Variants in DLGAP1 observed in about 807,000 individuals in gnomAD.
The protein encoded by DLGAP1 is DLG associated protein 1.
Under a neutral mutation model 90.8 loss-of-function variants are expected in DLGAP1, and 11 were observed. That is an observed-to-expected ratio of 0.12 (90% confidence interval 0.08 to 0.20). The LOEUF is 0.20. DLGAP1 is among the 10% of genes least tolerant of loss of function. The pLI is 1.00. For missense variants in DLGAP1, 1,050 were observed against 1,333.8 expected, an observed-to-expected ratio of 0.79 and a Z score of 3.31; for synonymous variants, 558 against 540.7, an observed-to-expected ratio of 1.03 and a Z score of -0.44.
At chr18:3,514,232 G>A (rs930598265) in intron 10 of DLGAP1, among the ~76,000 whole-genome samples, 5 of 151,790 alleles carry the variant, frequency 3.3e-5, no homozygotes, top group South Asian at 2.1e-4. Context: ...TCAGCCTCCC[G>A]AGTAGCTGGG....
intron 1 of DLGAP1, among the ~76,000 whole-genome samples, chr18:4,197,188 T>TAAAAA (rs532844849): frequency 4.1e-5 from 3 of 73,744 alleles, no homozygotes; most frequent in African/African-American, 5.2e-5. Context: ...TAAAAAAAAG[T>TAAAAA]AAAAAAAAAA....
At chr18:4,299,708 A>C (rs555411499) in intron 1 of DLGAP1, among the ~76,000 whole-genome samples, 156 of 152,314 alleles carry the variant, frequency 1.0e-3, no homozygotes, top group African/African-American at 2.5e-3. Context: ...CACAAAAAAA[A>C]CAAACAAAAT....
chr18:3,835,341 G>A (rs926281709), intron 4 of DLGAP1, among the ~76,000 whole-genome samples: 1 of 152,250 alleles, frequency 6.6e-6, no homozygotes, highest in East Asian at 1.9e-4. Flanking sequence ...TATAGAATGA[G>A]TGCTTCATAG....
At chr18:4,204,795 C>A (rs1568449590) in intron 1 of DLGAP1, among the ~76,000 whole-genome samples, 1 of 151,952 alleles carries the variant, frequency 6.6e-6, no homozygotes, top group Non-Finnish European at 1.5e-5. Flanking sequence ...AGGTCAAAGT[C>A]AATTCCTTTC....
chr18:4,080,753 C>T (rs2075594262), intron 2 of DLGAP1, among the ~76,000 whole-genome samples: 1 of 152,186 alleles, frequency 6.6e-6, no homozygotes, highest in Admixed American at 6.5e-5. Flanking sequence ...CGATTTACTA[C>T]TATAGGCTGT....
chr18:3,741,153 C>T (rs536963117), intron 6 of DLGAP1, among the ~76,000 whole-genome samples: 2 of 121,456 alleles, frequency 1.6e-5, no homozygotes, highest in East Asian at 5.3e-4. Context: ...ATCACCATCA[C>T]CACCACCATC....
chr18:3,677,591 C>T (rs1421770412), intron 7 of DLGAP1, among the ~76,000 whole-genome samples: 5 of 152,230 alleles, frequency 3.3e-5, no homozygotes, highest in African/African-American at 7.2e-5. Flanking sequence ...ATGTTTCTAG[C>T]GTGCCTATGA....
chr18:3,559,511 T>C (rs1428688231), intron 9 of DLGAP1, among the ~76,000 whole-genome samples: 1 of 152,180 alleles, frequency 6.6e-6, no homozygotes, highest in Non-Finnish European at 1.5e-5. Context: ...ATTTATATGA[T>C]TGAATTTTCT....
At chr18:3,694,663 T>G (rs1256186184) in intron 7 of DLGAP1, among the ~76,000 whole-genome samples, 2 of 152,254 alleles carry the variant, frequency 1.3e-5, no homozygotes, top group Non-Finnish European at 2.9e-5. Flanking sequence ...CATACGTTTG[T>G]TGGCTGCATA....
At chr18:3,974,550 T>C (rs2073528908) in intron 3 of DLGAP1, among the ~76,000 whole-genome samples, 1 of 152,186 alleles carries the variant, frequency 6.6e-6, no homozygotes, top group African/African-American at 2.4e-5. Flanking sequence ...ATATCATGGG[T>C]TTGCTTCACT....
At chr18:4,243,414 G>C (rs942721871) in intron 1 of DLGAP1, among the ~76,000 whole-genome samples, 1 of 152,130 alleles carries the variant, frequency 6.6e-6, no homozygotes, top group Non-Finnish European at 1.5e-5. Flanking sequence ...TTTTGCTTTT[G>C]TGGACTTCCT....
At chr18:3,651,768 T>C (rs1325783678) in intron 7 of DLGAP1, among the ~76,000 whole-genome samples, 1 of 151,660 alleles carries the variant, frequency 6.6e-6, no homozygotes, top group Non-Finnish European at 1.5e-5. Flanking sequence ...AGGTCAGGAG[T>C]TCGAGACCAG....
At chr18:4,358,728 C>T (rs1162761521) in intron 1 of DLGAP1, among the ~76,000 whole-genome samples, 1 of 152,234 alleles carries the variant, frequency 6.6e-6, no homozygotes, top group Admixed American at 6.5e-5. Context: ...CTGCAGAGAG[C>T]AGGGCTCCTG....
At chr18:4,442,971 G>T (rs547525694) in intron 1 of DLGAP1, among the ~76,000 whole-genome samples, 2 of 152,250 alleles carry the variant, frequency 1.3e-5, no homozygotes, top group East Asian at 3.9e-4. Flanking sequence ...AATCGGTTTT[G>T]GTTGAACAAA....
chr18:4,019,159 G>C (rs2149109157), intron 2 of DLGAP1, among the ~76,000 whole-genome samples: 1 of 152,260 alleles, frequency 6.6e-6, no homozygotes, highest in Admixed American at 6.5e-5. Flanking sequence ...CTCTTCCTCT[G>C]AGTGTCTGGG....
At chr18:4,173,291 T>C (rs1336014661) in intron 1 of DLGAP1, among the ~76,000 whole-genome samples, 2 of 152,146 alleles carry the variant, frequency 1.3e-5, no homozygotes, top group African/African-American at 2.4e-5. Flanking sequence ...AGGCTTTAGC[T>C]AGATATATAG....
intron 5 of DLGAP1, among the ~76,000 whole-genome samples, chr18:3,761,215 C>T (rs182077406): frequency 2.3e-4 from 35 of 152,286 alleles, no homozygotes; most frequent in Admixed American, 6.5e-4. Context: ...AAACTGAAAC[C>T]CTGTACCCAT....
At chr18:4,116,247 T>A (rs1030274173) in intron 2 of DLGAP1, among the ~76,000 whole-genome samples, 4 of 152,208 alleles carry the variant, frequency 2.6e-5, no homozygotes, top group Non-Finnish European at 5.9e-5. Flanking sequence ...TTTTTGAGAT[T>A]CCCTTGCAAG....
chr18:3,715,836 C>T (rs1407439431), intron 7 of DLGAP1, among the ~76,000 whole-genome samples: 1 of 151,988 alleles, frequency 6.6e-6, no homozygotes, highest in African/African-American at 2.4e-5. Flanking sequence ...TAGCTTTATT[C>T]CTTTGTCCTA....
Sources: gnomAD v4.1 joint callset for allele counts (sites outside exome capture counted in the v4.1 genomes callset) on GRCh38, gnomAD v4.1.1 for gene constraint, MANE v1.5 for transcripts, NCBI Gene and HGNC (gene_info 2026-07-23, HGNC 2026-07-21) for gene names.